Variants in CDC123 observed in about 807,000 individuals in gnomAD.
CDC123 encodes cell division cycle 123.
Under a neutral mutation model 54.4 loss-of-function variants are expected in CDC123, and 37 were observed. The observed-to-expected ratio is 0.68, with a 90% CI of 0.52 to 0.89. CDC123 has a LOEUF of 0.89. Among genes scored for constraint, CDC123 ranks in the 40% least tolerant of loss-of-function variants. The pLI, the probability that CDC123 is intolerant of heterozygous loss-of-function variation, is 0.00. For synonymous variants in CDC123, 144 were observed against 136.8 expected (o/e 1.05, Z -0.37); for missense variants, 361 against 412.1 (o/e 0.88, Z 1.07).
chr10:12,214,808 T>G (rs1835642895), intron 4 of CDC123, among the ~76,000 whole-genome samples: 1 of 152,112 alleles, frequency 6.6e-6, no homozygotes, highest in Non-Finnish European at 1.5e-5. Context: ...TTTTTTTTCC[T>G]AGGGAAGAAG....
intron 10 of CDC123, among the ~76,000 whole-genome samples, chr10:12,238,937 C>T (rs926886130): frequency 1.3e-5 from 2 of 151,490 alleles, no homozygotes; most frequent in Admixed American, 1.3e-4. Flanking sequence ...TTGCAGTGAG[C>T]GGAGATCACG....
intron 2 of CDC123, among the ~76,000 whole-genome samples, chr10:12,209,101 G>T (rs1435679791): frequency 1.3e-5 from 2 of 152,008 alleles, no homozygotes; most frequent in Non-Finnish European, 2.9e-5. Context: ...ATATACTGAG[G>T]TTCAGAGTCT....
At chr10:12,224,973 T>C (rs1835787430) in intron 6 of CDC123, among the ~76,000 whole-genome samples, 1 of 152,166 alleles carries the variant, frequency 6.6e-6, no homozygotes, top group Non-Finnish European at 1.5e-5. Flanking sequence ...TTTCCCTATT[T>C]CTTCCTTTCC....
chr10:12,216,160 A>G (rs1453614428), intron 5 of CDC123, among the ~76,000 whole-genome samples: 1 of 152,228 alleles, frequency 6.6e-6, no homozygotes, highest in Non-Finnish European at 1.5e-5. Context: ...TTTGTTGAAA[A>G]GTAATAAAAA....
In CDC123 at chr10:12,218,467, C is replaced by T. The variant is rs758303932; in HGVS notation, c.440+1000C>T. 5.5e-4 allele frequency among the ~76,000 whole-genome samples: 84 copies of T among 152,120 alleles called. 2 individuals are homozygous for T. The highest frequency in any genetic ancestry group is 1.5e-4 in the Non-Finnish European group (10 of 68,018). ...TATTGGCCAGGCTGGTCTCGAACTCCTGACCTTGTGATCTGCCTGCCTTGG... is the reference window on the plus strand; with the variant it reads ...TATTGGCCAGGCTGGTCTCGAACTCTTGACCTTGTGATCTGCCTGCCTTGG... On this transcript the variant is annotated intron_variant, in intron 6 of 12. Transcript: ENST00000281141.
chr10:12,230,948 G>A lies in CDC123; in HGVS notation c.441G>A (p.Pro147=), dbSNP rs914919223. ...SDFITRDFTQ[P]FIHCTDDSPD... is the part of the protein sequence containing the mutation. ...GTTGCCTTTTCTTCTTCTTCCAAAG[G>A]TTTATTCATTGTACTGATGATTCTC... Residue 147 remains proline, a splice_region_variant and synonymous_variant, in exon 7 of 13, where the codon CCG becomes CCA. Transcript: ENST00000281141. The A allele has an allele frequency of 1.1e-5, 18 of 1,611,454 alleles. No homozygotes were observed. The highest frequency in any genetic ancestry group is 1.5e-5 in the Non-Finnish European group (18 of 1,179,306).
chr10:12,223,394 T>A (rs1004150804), intron 6 of CDC123, among the ~76,000 whole-genome samples: 1 of 152,128 alleles, frequency 6.6e-6, no homozygotes, highest in Non-Finnish European at 1.5e-5. Context: ...CAAGCAGTTG[T>A]CCTGCCTCAG....
chr10:12,206,672 C>T (rs1835522842), intron 2 of CDC123, among the ~76,000 whole-genome samples: 1 of 152,006 alleles, frequency 6.6e-6, no homozygotes. Flanking sequence ...ATTATCTGGG[C>T]ATGAGGTCAG....
chr10:12,242,815 G>A (rs1005649361), intron 10 of CDC123, among the ~76,000 whole-genome samples: 7 of 151,902 alleles, frequency 4.6e-5, no homozygotes, highest in Admixed American at 2.6e-4. Flanking sequence ...AGTGGCAGGC[G>A]CCTGTAATCC....
At chr10:12,232,714 G>C (rs1159656444) in intron 7 of CDC123, among the ~76,000 whole-genome samples, 1 of 151,938 alleles carries the variant, frequency 6.6e-6, no homozygotes, top group Non-Finnish European at 1.5e-5. Context: ...TTCACGCAAC[G>C]AACATCTGTC....
rs531952598 is a variant in CDC123, at chr10:12,228,169, A to G, written c.441-2779A>G. Among the ~76,000 whole-genome samples, 6 of 151,722 alleles carry G rather than the reference A, an allele frequency of 4.0e-5. No homozygotes were observed. The South Asian group carries it at 1.3e-3, about 32-fold the overall frequency. On this transcript the variant is annotated intron_variant, in intron 6 of 12. Coordinates refer to ENST00000281141, the MANE Select transcript of CDC123 (RefSeq NM_006023.3). Reference sequence around the variant, plus strand: ...AGGCTGGTCTCAAACTCCTGGCTTTAGGCAGTCTTCCCACCTCAGCCTTCC... The same window carrying G: ...AGGCTGGTCTCAAACTCCTGGCTTTGGGCAGTCTTCCCACCTCAGCCTTCC...
In CDC123 at chr10:12,250,331, C is replaced by CT. The variant is rs1564262525; in HGVS notation, c.1005_1006insT (p.Asp336Ter). The stretch of plus-strand genomic sequence containing the variant: ...GACAGAAGAGAAATCAGCAGGAGGA[C>CT]GACTGATGAGCGTACTGGAACTGGA... On this transcript the variant is annotated frameshift_variant, in exon 13 of 13. Transcript: ENST00000281141. LOFTEE classifies it high-confidence loss of function. The CT allele has an allele frequency of 1.9e-6, 3 of 1,601,162 alleles. No individual in the cohort carries two copies. In the Admixed American group the frequency reaches 5.1e-5, roughly 27 times the overall value.
At chr10:12,231,388 C>G (rs992365953) in intron 7 of CDC123, among the ~76,000 whole-genome samples, 1 of 151,942 alleles carries the variant, frequency 6.6e-6, no homozygotes, top group Admixed American at 6.6e-5. Context: ...TTTGAGAGGC[C>G]GAGGTGGGTG....
At chr10:12,197,114 A>G (rs1835364958) in intron 1 of CDC123, among the ~76,000 whole-genome samples, 1 of 152,250 alleles carries the variant, frequency 6.6e-6, no homozygotes, top group Admixed American at 6.5e-5. Flanking sequence ...AAGTTCTTAA[A>G]TAGTATTGGA....
intron 1 of CDC123, among the ~76,000 whole-genome samples, chr10:12,197,963 CT>C (rs1467527916): frequency 1.3e-5 from 2 of 152,064 alleles, no homozygotes; most frequent in African/African-American, 4.8e-5. Context: ...AGGCTGTAAT[CT>C]TTTCCACTTT....
chr10:12,215,637 T>A, intron 4 of CDC123, 103 bp from the exon 5 acceptor site: 1 of 518,816 alleles, frequency 1.9e-6, no homozygotes, highest in South Asian at 5.2e-5. Flanking sequence ...TATTCTAAAT[T>A]CTGTTTTTAA....
chr10:12,216,842 A>T (rs1183657184), intron 5 of CDC123, among the ~76,000 whole-genome samples: 10 of 152,154 alleles, frequency 6.6e-5, no homozygotes, highest in Non-Finnish European at 1.3e-4. Context: ...TATGTATGAG[A>T]CATTCACCAT....
chr10:12,238,386 T>C (rs1484557641), intron 9 of CDC123, 71 bp from the exon 10 acceptor site: 8 of 1,533,064 alleles, frequency 5.2e-6, no homozygotes, highest in Non-Finnish European at 7.1e-6. Context: ...AAATGTACTT[T>C]AATTTTCAAA....
intron 2 of CDC123, among the ~76,000 whole-genome samples, chr10:12,204,269 T>C (rs1056935937): frequency 6.6e-6 from 1 of 152,124 alleles, no homozygotes; most frequent in African/African-American, 2.4e-5. Flanking sequence ...ATCCTCATTG[T>C]TTCTTCTTGG....
Sources: gnomAD v4.1 joint callset for allele counts (sites outside exome capture counted in the v4.1 genomes callset) on GRCh38, gnomAD v4.1.1 for gene constraint, MANE v1.5 for transcripts, NCBI Gene and HGNC (gene_info 2026-07-23, HGNC 2026-07-21) for gene names.